Variants in TFB2M observed in about 807,000 individuals in gnomAD.
TFB2M encodes transcription factor B2, mitochondrial.
A neutral mutation model predicts 41.3 loss-of-function variants in TFB2M; 44 were observed. The ratio of observed to expected loss-of-function variants is 1.07; its 90% CI spans 0.84 to 1.37. The LOEUF (loss-of-function observed/expected upper bound fraction) is 1.37, where lower values mean the gene tolerates loss of function less well. Among genes scored for constraint, TFB2M ranks in the 40% most tolerant of loss-of-function variants. The pLI, the probability that TFB2M is intolerant of heterozygous loss-of-function variation, is 0.00. For missense variants in TFB2M, 496 were observed against 490.2 expected (o/e 1.01, Z -0.11); for synonymous variants, 188 against 176.8 (o/e 1.06, Z -0.50).
At position 246,566,203 on chromosome 1, in the gene TFB2M, G is replaced by C; in HGVS notation, c.-65C>G. On this transcript the variant is annotated 5_prime_UTR_variant, in exon 1 of 8. Coordinates refer to ENST00000366514, the MANE Select transcript of TFB2M (RefSeq NM_022366.3). ...CAGCTACTACAGTGAACCCCACGCAGGGTATCCCACGTGGAACATTTTCTG... is the reference window on the plus strand; with the variant it reads ...CAGCTACTACAGTGAACCCCACGCACGGTATCCCACGTGGAACATTTTCTG... 6.6e-7 allele frequency: 1 copy of C among 1,513,460 alleles called. No homozygotes were observed. Among genetic ancestry groups the C allele is most frequent in the Non-Finnish European group, 8.9e-7 (1 of 1,117,556 alleles). The allele number at this position is 1,513,460 out of a possible 1,614,324, so 93.8% of individuals were successfully genotyped here.
At position 246,566,055 on chromosome 1, in the gene TFB2M, A is replaced by G. The variant is rs1334939526; in HGVS notation, c.84T>C (p.Ser28=). The change falls in exon 1 of 8, where the codon TCT becomes TCC. Residue 28 remains serine (S), a synonymous_variant. Coordinates refer to ENST00000366514, the MANE Select transcript of TFB2M (RefSeq NM_022366.3). ...GCAAATGCTTTCGCGTCGCCGCTTC[A>G]GACCCTAAAATGCAAAAGCGACCAG... is the stretch of plus-strand genomic sequence containing the variant. ...AGAGRFCILG[S]EAATRKHLPA... 1 of 1,614,036 alleles carries G rather than the reference A, an allele frequency of 6.2e-7. No individual in the cohort carries two copies. Among genetic ancestry groups the G allele is most frequent in the East Asian group, 2.2e-5 (1 of 44,890 alleles).
chr1:246,553,083 A>G (rs111708684), intron 4 of TFB2M, among the ~76,000 whole-genome samples: 4,127 of 152,016 alleles, frequency 0.027, 126 homozygotes, highest in African/African-American at 0.065. Flanking sequence ...GTAGCTGGGC[A>G]TGGTGGCGCG....
intron 2 of TFB2M, among the ~76,000 whole-genome samples, chr1:246,563,985 C>T (rs1659523649): frequency 6.6e-6 from 1 of 152,184 alleles, no homozygotes; most frequent in Non-Finnish European, 1.5e-5. Flanking sequence ...GATCCATTAA[C>T]CTAATATTAG....
chr1:246,550,716 C>A (rs1380139388), intron 5 of TFB2M, among the ~76,000 whole-genome samples: 2 of 152,144 alleles, frequency 1.3e-5, no homozygotes, highest in Admixed American at 1.3e-4. Context: ...AAACCTGTCT[C>A]TACCGAAAAT....
In TFB2M at chr1:246,541,023, T is replaced by G; in HGVS notation, c.*8A>C. The G allele has an allele frequency of 6.2e-7, 1 of 1,604,436 alleles. No homozygotes were observed. The highest frequency in any genetic ancestry group is 8.5e-7 in the Non-Finnish European group (1 of 1,174,990). ...TGAACCGCTCCACCAAAAACGACAG[T>G]CTAGTTGCTACCTATCTTCCAGGGT... On this transcript the variant is annotated 3_prime_UTR_variant, in exon 8 of 8. Transcript: ENST00000366514.
In TFB2M at chr1:246,556,560, G is replaced by C. The variant is rs1203296891; in HGVS notation, c.705+13C>G. On this transcript the variant is annotated intron_variant, in intron 4 of 7. Coordinates refer to ENST00000366514, the MANE Select transcript of TFB2M (RefSeq NM_022366.3). ...GACTCAGAACAAAAAATAGGTATTT[G>C]TTAATAACATACCTGGAATTCTTTT... is the stretch of plus-strand genomic sequence containing the variant. The C allele has an allele frequency of 1.4e-6, 2 of 1,463,146 alleles. No homozygotes were observed. Among genetic ancestry groups the C allele is most frequent in the South Asian group, 2.9e-5 (2 of 70,172 alleles). The allele number at this position is 1,463,146 out of a possible 1,614,324, so 90.6% of individuals were successfully genotyped here.
At chr1:246,544,857 G>A (rs1403361880) in intron 6 of TFB2M, among the ~76,000 whole-genome samples, 176 bp from the exon 7 acceptor site, 1 of 152,128 alleles carries the variant, frequency 6.6e-6, no homozygotes, top group East Asian at 1.9e-4. Context: ...CCAGGCTGGA[G>A]TACAACGGCG....
chr1:246,553,505 A>G lies in TFB2M; in HGVS notation c.706-2203T>C, dbSNP rs148855638. Among the ~76,000 whole-genome samples, 1,364 of 152,274 alleles carry G rather than the reference A, an allele frequency of 9.0e-3. 7 individuals are homozygous for G. Among genetic ancestry groups the G allele is most frequent in the Non-Finnish European group, 0.015 (988 of 68,024 alleles). On this transcript the variant is annotated intron_variant, in intron 4 of 7. Coordinates refer to ENST00000366514, the MANE Select transcript of TFB2M (RefSeq NM_022366.3). Reference sequence around the variant, plus strand: ...AGCAACGTGGTAAAACCATCTCTACAAAAAAGACAATAATCAGCCAGGCAC... The same window carrying G: ...AGCAACGTGGTAAAACCATCTCTACGAAAAAGACAATAATCAGCCAGGCAC...
chr1:246,565,487 G>T (rs1001636352), intron 1 of TFB2M, among the ~76,000 whole-genome samples: 1 of 152,228 alleles, frequency 6.6e-6, no homozygotes, highest in African/African-American at 2.4e-5. Flanking sequence ...ACCTAGGGGG[G>T]AGGATCACGA....
chr1:246,545,116 T>C (rs755787840), intron 6 of TFB2M, among the ~76,000 whole-genome samples: 11 of 152,124 alleles, frequency 7.2e-5, no homozygotes, highest in Non-Finnish European at 1.6e-4. Context: ...CACATTTTCT[T>C]ATTGTGTACA....
rs138016786 is a variant in TFB2M at position 246,554,735 on chromosome 1, C to T, written c.705+1838G>A. On this transcript the variant is annotated intron_variant, in intron 4 of 7. Coordinates refer to ENST00000366514, the MANE Select transcript of TFB2M (RefSeq NM_022366.3). The stretch of plus-strand genomic sequence containing the variant: ...TGAATCATCCTGAAACCATCCCCGC[C>T]GCCATCCACGTAAAAACTGTCTTCC... 1.4e-3 allele frequency among the ~76,000 whole-genome samples: 207 copies of T among 152,236 alleles called. 1 individual carries two copies. Among genetic ancestry groups the T allele is most frequent in the African/African-American group, 4.8e-3 (198 of 41,540 alleles).
chr1:246,565,503 A>G (rs910806097), intron 1 of TFB2M, among the ~76,000 whole-genome samples: 1 of 152,194 alleles, frequency 6.6e-6, no homozygotes, highest in African/African-American at 2.4e-5. Context: ...CACGAGGTCA[A>G]GAGATCGAGA....
chr1:246,548,714 A>G, intron 5 of TFB2M, 107 bp from the exon 6 acceptor site: 1 of 953,018 alleles, frequency 1.0e-6, no homozygotes, highest in Non-Finnish European at 1.6e-6. Context: ...GAGAATGGTC[A>G]GTCTAATTGG....
At chr1:246,545,007 G>T (rs150805296) in intron 6 of TFB2M, among the ~76,000 whole-genome samples, 4,360 of 151,592 alleles carry the variant, frequency 0.029, 76 homozygotes, top group African/African-American at 0.059. Context: ...GGGTTTCACC[G>T]TGTTAGCCAG....
At chr1:246,548,295 CAA>C (rs1397046256) in intron 6 of TFB2M, among the ~76,000 whole-genome samples, 3 of 152,068 alleles carry the variant, frequency 2.0e-5, no homozygotes, top group Admixed American at 1.3e-4. Context: ...ACCTTCATTT[CAA>C]AAGATATAAG....
intron 1 of TFB2M, 131 bp from the exon 2 acceptor site, chr1:246,564,565 C>G: frequency 1.4e-6 from 1 of 706,398 alleles, no homozygotes; most frequent in Non-Finnish European, 2.4e-6. Flanking sequence ...AAGTAGATGT[C>G]ACTCTCCTTT....
intron 4 of TFB2M, among the ~76,000 whole-genome samples, chr1:246,552,701 A>T (rs1329199722): frequency 6.6e-6 from 1 of 152,054 alleles, no homozygotes; most frequent in African/African-American, 2.4e-5. Flanking sequence ...CCTGTCTCTA[A>T]AAAAATTTCT....
intron 3 of TFB2M, 74 bp downstream of exon 3, chr1:246,557,307 T>G: frequency 6.8e-7 from 1 of 1,470,330 alleles, no homozygotes; most frequent in Non-Finnish European, 9.2e-7. Flanking sequence ...ACAAATTTCA[T>G]CAACAAATCA....
At chr1:246,549,362 G>A (rs771466815) in intron 5 of TFB2M, among the ~76,000 whole-genome samples, 3 of 152,142 alleles carry the variant, frequency 2.0e-5, no homozygotes, top group Admixed American at 6.6e-5. Context: ...GAGGAGGACC[G>A]CTTGAGCTCA....
Sources: allele counts gnomAD v4.1 joint callset (sites outside exome capture counted in the v4.1 genomes callset), GRCh38; gene constraint gnomAD v4.1.1; transcripts MANE v1.5; gene names NCBI Gene and HGNC (gene_info 2026-07-23, HGNC 2026-07-21).